The following DMD variants were observed in gnomAD, a reference collection of about 807,000 sequenced individuals.
DMD encodes the protein dystrophin.
A neutral mutation model predicts 330.1 loss-of-function variants in DMD; 63 were observed. The ratio of observed to expected loss-of-function variants is 0.19; its 90% confidence interval spans 0.16 to 0.24. The LOEUF (loss-of-function observed/expected upper bound fraction) is 0.24. DMD is among the 10% of genes least tolerant of loss of function. The pLI is 1.00. For missense variants in DMD, 3,344 were observed against 2,684.1 expected (o/e 1.25, Z -5.43); for synonymous variants, 1,223 against 959.8 (o/e 1.27, Z -5.07).
chrX:32,683,278 C>A (rs1156277352), intron 9 of DMD, among the ~76,000 whole-genome samples: 1 of 110,492 alleles, frequency 9.1e-6, no homozygotes, highest in Non-Finnish European at 1.9e-5. Context: ...CTTGACCCAG[C>A]CATCACATTA....
chrX:33,057,850 G>A (rs554617995), intron 1 of DMD, among the ~76,000 whole-genome samples: 4 of 110,924 alleles, frequency 3.6e-5, no homozygotes, highest in Non-Finnish European at 5.7e-5. Flanking sequence ...AATATTCCAC[G>A]GATATACCCA....
At chrX:31,346,436 T>C (rs921242470) in intron 61 of DMD, among the ~76,000 whole-genome samples, 1 of 111,636 alleles carries the variant, frequency 9.0e-6, no homozygotes, top group Non-Finnish European at 1.9e-5. Context: ...TACATCAGAA[T>C]GCTAACAGAT....
At chrX:31,348,011 T>C (rs1243840961) in intron 61 of DMD, among the ~76,000 whole-genome samples, 3 of 112,139 alleles carry the variant, frequency 2.7e-5, no homozygotes, top group African/African-American at 9.7e-5. Flanking sequence ...GCCATTTGTA[T>C]GCCTTCTTTT....
At chrX:31,757,004 T>C (rs1159327689) in intron 51 of DMD, among the ~76,000 whole-genome samples, 1 of 109,038 alleles carries the variant, frequency 9.2e-6, no homozygotes, top group East Asian at 2.9e-4. Flanking sequence ...TTTTTTTACC[T>C]TATATCAAGA....
intron 60 of DMD, among the ~76,000 whole-genome samples, chrX:31,386,397 G>C (rs2060448280): frequency 8.9e-6 from 1 of 111,904 alleles, no homozygotes; most frequent in African/African-American, 3.2e-5. Flanking sequence ...AAAAAGAAGA[G>C]ATGATGTTGA....
chrX:33,233,352 G>A (rs1603422592), intron 1 of DMD, among the ~76,000 whole-genome samples: 1 of 111,847 alleles, frequency 8.9e-6, no homozygotes, highest in Non-Finnish European at 1.9e-5. Flanking sequence ...AGGGTTCACA[G>A]CAATTTTATT....
Position 31,225,550 on chromosome X carries a change from G to A in DMD, c.9287-2429C>T, listed in dbSNP as rs753229499. Among the ~76,000 whole-genome samples the A allele has an allele frequency of 9.8e-5, 11 of 112,205 alleles. No homozygotes were observed. The South Asian group carries it at 4.1e-3, about 42-fold the overall frequency. ...CCAAAATGTCCAGCTGTGGTTCACCGGATTCTTAGTTGCCAGAATTCAGTT... is the reference window on the plus strand; with the variant it reads ...CCAAAATGTCCAGCTGTGGTTCACCAGATTCTTAGTTGCCAGAATTCAGTT... On this transcript the variant is annotated intron_variant, in intron 63 of 78. Transcript: ENST00000357033.
rs141974857 is a variant in DMD at position 31,580,076 on chromosome X, T to C, written c.8217+47597A>G. On this transcript the variant is annotated intron_variant, in intron 55 of 78. Coordinates refer to ENST00000357033, the MANE Select transcript of DMD (RefSeq NM_004006.3). ...ACTTATATGAACCCTGTGGTTAGAT[T>C]AGGCCCATCTGAATAGTCCATAAAA... Among the ~76,000 whole-genome samples the C allele has an allele frequency of 8.9e-5, 10 of 111,812 alleles. No individual in the cohort carries two copies. In the East Asian group the frequency reaches 2.8e-3, roughly 31 times the overall value.
intron 13 of DMD, among the ~76,000 whole-genome samples, chrX:32,579,527 G>A (rs1015188879): frequency 3.6e-5 from 4 of 112,200 alleles, no homozygotes; most frequent in African/African-American, 1.3e-4. Flanking sequence ...TAAAAGATAT[G>A]CCTTCTAATT....
rs760300204 is a variant in DMD at position 31,381,928 on chromosome X, G to A, written c.9085-33294C>T. On this transcript the variant is annotated intron_variant, in intron 60 of 78. Coordinates refer to ENST00000357033, the MANE Select transcript of DMD (RefSeq NM_004006.3). Reference sequence around the variant, plus strand: ...GAGGATTTGCCCCCGCCCAGGACTGGCAAATTGGCTTTACTAAACATGCCC... The same window carrying A: ...GAGGATTTGCCCCCGCCCAGGACTGACAAATTGGCTTTACTAAACATGCCC... 8.9e-5 allele frequency among the ~76,000 whole-genome samples: 10 copies of A among 111,756 alleles called. No individual in the cohort carries two copies. The East Asian group carries it at 2.8e-3, about 31-fold the overall frequency.
chrX:32,443,235 A>G (rs772778629), intron 27 of DMD, among the ~76,000 whole-genome samples: 42 of 111,236 alleles, frequency 3.8e-4, no homozygotes, highest in African/African-American at 1.0e-3. Flanking sequence ...CAGATTTCCC[A>G]AAGTTCTCTA....
At chrX:32,985,372 T>A (rs1305202515) in intron 2 of DMD, among the ~76,000 whole-genome samples, 2 of 112,254 alleles carry the variant, frequency 1.8e-5, no homozygotes, top group Admixed American at 1.9e-4. Context: ...TCATGTACAA[T>A]GCACTCTAAA....
chrX:32,572,860 G>A (rs1277597317), intron 15 of DMD, among the ~76,000 whole-genome samples: 5 of 111,104 alleles, frequency 4.5e-5, no homozygotes, highest in African/African-American at 1.3e-4. Context: ...CTTTCATGAT[G>A]AGTCAGTTCC....
intron 41 of DMD, among the ~76,000 whole-genome samples, chrX:32,324,906 T>C (rs765937626): frequency 9.9e-5 from 11 of 111,468 alleles, no homozygotes; most frequent in Non-Finnish European, 1.5e-4. Context: ...AAAGAAAGAT[T>C]TGATAGGCCA....
intron 1 of DMD, among the ~76,000 whole-genome samples, chrX:33,232,517 A>C (rs2052405426): frequency 9.0e-6 from 1 of 111,685 alleles, no homozygotes; most frequent in African/African-American, 3.3e-5. Context: ...ACGTAAATTA[A>C]CATCAGAACC....
intron 50 of DMD, among the ~76,000 whole-genome samples, chrX:31,793,035 T>C (rs1369384822): frequency 9.0e-6 from 1 of 110,652 alleles, no homozygotes; most frequent in African/African-American, 3.3e-5. Flanking sequence ...GAAGGGGAGC[T>C]GAAAAGGGGA....
At position 32,876,758 on chromosome X, in the gene DMD, G is replaced by A. The variant is rs775677833; in HGVS notation, c.94-26938C>T. 1.9e-4 allele frequency among the ~76,000 whole-genome samples: 21 copies of A among 111,175 alleles called. 1 individual carries two copies. The highest frequency in any genetic ancestry group is 7.5e-5 in the Non-Finnish European group (4 of 53,011). On this transcript the variant is annotated intron_variant, in intron 2 of 78. Coordinates refer to ENST00000357033, the MANE Select transcript of DMD (RefSeq NM_004006.3). ...TGAATGTTCCGTGTTTCTTAAATTT[G>A]GAGCTGTTGAACAGTTTCAGTTTTC...
chrX:32,449,754 C>G (rs1033561672), intron 26 of DMD, among the ~76,000 whole-genome samples: 5 of 110,266 alleles, frequency 4.5e-5, no homozygotes, highest in African/African-American at 1.6e-4. Flanking sequence ...ATTTTAGAAA[C>G]ACACACACAT....
intron 54 of DMD, among the ~76,000 whole-genome samples, chrX:31,638,031 T>G (rs1395799995): frequency 8.9e-6 from 1 of 111,790 alleles, no homozygotes; most frequent in Non-Finnish European, 1.9e-5. Context: ...TATTTAGCTG[T>G]CAATGACTGA....
Sources: gnomAD v4.1 joint callset for allele counts (sites outside exome capture counted in the v4.1 genomes callset) on GRCh38, gnomAD v4.1.1 for gene constraint, MANE v1.5 for transcripts, NCBI Gene and HGNC (gene_info 2026-07-23, HGNC 2026-07-21) for gene names.